OR9Q1: variants seen among roughly 807,000 people sequenced by gnomAD.
The protein encoded by OR9Q1 is olfactory receptor 9Q1.
For synonymous variants in OR9Q1, 153 were observed against 148.6 expected, an observed-to-expected ratio of 1.03 and a Z score of -0.22; for missense variants, 374 against 378.8, an observed-to-expected ratio of 0.99 and a Z score of 0.11.
chr11:58,110,538 C>T (rs1004865223), intron 2 of OR9Q1, among the ~76,000 whole-genome samples: 5 of 152,128 alleles, frequency 3.3e-5, no homozygotes, highest in Non-Finnish European at 4.4e-5. Context: ...TGGAATAGCT[C>T]TTATGAGTTT....
intron 2 of OR9Q1, among the ~76,000 whole-genome samples, chr11:58,150,586 A>G (rs1157470175): frequency 1.3e-5 from 2 of 152,124 alleles, no homozygotes; most frequent in African/African-American, 4.8e-5. Context: ...AATTTCTATC[A>G]CCTGTGGATA....
chr11:58,156,125 C>A (rs928374991), intron 2 of OR9Q1, among the ~76,000 whole-genome samples: 1 of 152,072 alleles, frequency 6.6e-6, no homozygotes, highest in South Asian at 2.1e-4. Context: ...GTTGGCCAGA[C>A]CAGTTTTGAA....
At chr11:58,089,165 A>T (rs765324775) in intron 2 of OR9Q1, among the ~76,000 whole-genome samples, 17 of 151,830 alleles carry the variant, frequency 1.1e-4, no homozygotes, top group Non-Finnish European at 2.2e-4. Context: ...AGCGTGAGCC[A>T]CCATGCCCAG....
rs770278108 is a variant in OR9Q1 at position 58,031,678 on chromosome 11, C to A, written c.-93+7574C>A. ...CAGCTGCTGAGCGCTGGAAGGCCTTCTCTACCTGTGCAGCTCACCTGACTG... is the reference window on the plus strand; with the variant it reads ...CAGCTGCTGAGCGCTGGAAGGCCTTATCTACCTGTGCAGCTCACCTGACTG... On this transcript the variant is annotated intron_variant, in intron 1 of 2. Transcript: ENST00000335397. The A allele has an allele frequency of 6.2e-7, 1 of 1,613,948 alleles. No homozygotes were observed. The highest frequency in any genetic ancestry group is 1.1e-5 in the South Asian group (1 of 91,072).
intron 1 of OR9Q1, among the ~76,000 whole-genome samples, chr11:58,046,514 G>A (rs1853217994): frequency 1.3e-5 from 2 of 152,176 alleles, no homozygotes; most frequent in Non-Finnish European, 2.9e-5. Context: ...GCCTACACAA[G>A]TTAAAGGAAA....
At chr11:58,129,930 GT>G (rs1189972177) in intron 2 of OR9Q1, among the ~76,000 whole-genome samples, 2 of 148,136 alleles carry the variant, frequency 1.4e-5, no homozygotes, top group Non-Finnish European at 3.0e-5. Flanking sequence ...TTTTATTTTT[GT>G]TTTACTTTAA....
intron 2 of OR9Q1, among the ~76,000 whole-genome samples, chr11:58,154,882 C>G (rs1239667219): frequency 6.6e-6 from 1 of 152,200 alleles, no homozygotes; most frequent in Non-Finnish European, 1.5e-5. Flanking sequence ...CTGGGCTTTT[C>G]CATCAGGGTG....
At chr11:58,158,667 T>C (rs1251995796) in intron 2 of OR9Q1, among the ~76,000 whole-genome samples, 1 of 152,128 alleles carries the variant, frequency 6.6e-6, no homozygotes, top group South Asian at 2.1e-4. Flanking sequence ...TTCCAGGCCA[T>C]AGTTCACTGA....
At chr11:58,129,538 C>G (rs1380949608) in intron 2 of OR9Q1, among the ~76,000 whole-genome samples, 1 of 146,190 alleles carries the variant, frequency 6.8e-6, no homozygotes, top group African/African-American at 2.7e-5. Context: ...CCCAACCTCC[C>G]TCTGGTTTTG....
chr11:58,106,125 C>A lies in OR9Q1; in HGVS notation c.-15+50178C>A, dbSNP rs543481328. Among the ~76,000 whole-genome samples the A allele has an allele frequency of 3.3e-5, 5 of 151,472 alleles. No homozygotes were observed. The East Asian group carries it at 9.8e-4, about 30-fold the overall frequency. On this transcript the variant is annotated intron_variant, in intron 2 of 2. Coordinates refer to ENST00000335397, the MANE Select transcript of OR9Q1 (RefSeq NM_001005212.4). ...GGACACTGGAACACATCCAAGGGTT[C>A]CAATTTTTGTACTTTCTCACCAACA... is the stretch of plus-strand genomic sequence containing the variant.
At chr11:58,166,692 A>G (rs761183766) in intron 2 of OR9Q1, among the ~76,000 whole-genome samples, 8 of 152,084 alleles carry the variant, frequency 5.3e-5, no homozygotes, top group African/African-American at 9.7e-5. Flanking sequence ...ATTTCCCACA[A>G]TTTTATTTTT....
At chr11:58,164,823 C>G (rs1484656098) in intron 2 of OR9Q1, among the ~76,000 whole-genome samples, 1 of 152,162 alleles carries the variant, frequency 6.6e-6, no homozygotes, top group African/African-American at 2.4e-5. Flanking sequence ...ACTCTGAACT[C>G]CTTACTGTCC....
At chr11:58,095,449 GA>G (rs755473910) in intron 2 of OR9Q1, among the ~76,000 whole-genome samples, 41 of 152,218 alleles carry the variant, frequency 2.7e-4, no homozygotes, top group Non-Finnish European at 5.1e-4. Context: ...CTGTGGCTAT[GA>G]AGAAATATTC....
At chr11:58,032,106 G>A (rs1009565879) in intron 1 of OR9Q1, among the ~76,000 whole-genome samples, 1 of 152,138 alleles carries the variant, frequency 6.6e-6, no homozygotes, top group Non-Finnish European at 1.5e-5. Flanking sequence ...AGAAATCAGA[G>A]ATGACACAAA....
At chr11:58,079,314 G>A (rs2120037348) in intron 2 of OR9Q1, among the ~76,000 whole-genome samples, 1 of 152,076 alleles carries the variant, frequency 6.6e-6, no homozygotes, top group East Asian at 1.9e-4. Context: ...GATTCCTTGG[G>A]CTCCTGAAGG....
At chr11:58,093,559 G>A (rs1164169876) in intron 2 of OR9Q1, among the ~76,000 whole-genome samples, 1 of 152,014 alleles carries the variant, frequency 6.6e-6, no homozygotes, top group African/African-American at 2.4e-5. Flanking sequence ...AGGAGATTGA[G>A]ACCGTACTGG....
At chr11:58,036,058 A>T (rs546844174) in intron 1 of OR9Q1, among the ~76,000 whole-genome samples, 1 of 151,712 alleles carries the variant, frequency 6.6e-6, no homozygotes, top group Admixed American at 6.6e-5. Context: ...CATTTTAGTA[A>T]TTCTCGCAAC....
At chr11:58,028,004 C>T (rs760363208) in intron 1 of OR9Q1, among the ~76,000 whole-genome samples, 19 of 150,650 alleles carry the variant, frequency 1.3e-4, no homozygotes, top group Non-Finnish European at 2.2e-4. Context: ...TGCTGGGGCA[C>T]CTGCTCTGTA....
rs149543296 is a variant in OR9Q1, at chr11:58,159,732, T to C, written c.-14-19699T>C. Among the ~76,000 whole-genome samples the C allele has an allele frequency of 1.9e-4, 29 of 152,334 alleles. 1 individual carries two copies. Among genetic ancestry groups the C allele is most frequent in the Admixed American group, 8.5e-4 (13 of 15,296 alleles). ...AATTTGATAGTCATCTGGTCTAGAATGATAGCAGTGAAGATGGAGGTCAGG... is the reference window on the plus strand; with the variant it reads ...AATTTGATAGTCATCTGGTCTAGAACGATAGCAGTGAAGATGGAGGTCAGG... On this transcript the variant is annotated intron_variant, in intron 2 of 2. Coordinates refer to ENST00000335397, the MANE Select transcript of OR9Q1 (RefSeq NM_001005212.4).
Sources: gnomAD v4.1 joint callset for allele counts (sites outside exome capture counted in the v4.1 genomes callset) on GRCh38, gnomAD v4.1.1 for gene constraint, MANE v1.5 for transcripts, NCBI Gene and HGNC (gene_info 2026-07-23, HGNC 2026-07-21) for gene names.